Variants in SSR4 observed in about 807,000 individuals in gnomAD.
SSR4 encodes translocon-associated protein subunit delta.
For missense variants in SSR4, 125 were observed against 148.8 expected, an observed-to-expected ratio of 0.84 and a Z score of 0.83; for synonymous variants, 84 against 65.6, an observed-to-expected ratio of 1.28 and a Z score of -1.35.
rs1167157941 is a variant in SSR4, at chrX:153,798,313, AT to A, written c.418-15del. 1.0e-5 allele frequency: 12 copies of A among 1,204,456 alleles called. No individual in the cohort carries two copies. Among genetic ancestry groups the A allele is most frequent in the Non-Finnish European group, 1.2e-5 (11 of 892,112 alleles). ...CTGTACTCCCCTGAGCTGGCTTGTG[AT>A]CTCCTTTTTTTCAGGGCACTTGGAA... On this transcript the variant is annotated splice_polypyrimidine_tract_variant and intron_variant, in intron 5 of 5. Transcript: ENST00000370086.
At chrX:153,797,323 C>T (rs2092147654) in intron 2 of SSR4, 135 bp from the exon 3 acceptor site, 1 of 524,970 alleles carries the variant, frequency 1.9e-6, no homozygotes, top group Non-Finnish European at 3.4e-6. Context: ...TTACTTGGTA[C>T]CTCCTGCCAG....
chrX:153,798,298 C>T (rs782600584), intron 5 of SSR4, 31 bp from the exon 6 acceptor site: 2 of 1,202,592 alleles, frequency 1.7e-6, no homozygotes, highest in African/African-American at 1.7e-5. Context: ...CTGTACTCCC[C>T]TGAGCTGGCT....
In SSR4 at chrX:153,794,750, C is replaced by T. The variant is rs4908; in HGVS notation, c.63C>T (p.Cys21=). ...TCCTGCTGTCCAGCCTCTCCCGCTG[C>T]TCAGGTAGCGGCCCAGCCGGGGCTT... ...ALLLLSSLSR[C]SAEACLEPQI... Residue 21 remains cysteine, a synonymous_variant, in exon 1 of 6, where the codon TGC becomes TGT. Transcript: ENST00000370086. 2.1e-5 allele frequency: 25 copies of T among 1,210,244 alleles called. No individual in the cohort carries two copies. The highest frequency in any genetic ancestry group is 2.6e-5 in the Non-Finnish European group (23 of 894,940).
rs2092152011 is a variant in SSR4, at chrX:153,797,950, T to A, written c.352-121T>A. 4 of 906,133 alleles carry A rather than the reference T, an allele frequency of 4.4e-6. No homozygotes were observed. The East Asian group carries it at 1.2e-4, about 28-fold the overall frequency. 74.7% of individuals were successfully genotyped at this position (906,133 alleles called of 1,213,427 possible). A position where few individuals can be genotyped will look rare whatever the true frequency, so the allele number is the denominator to read the frequency against. ...TCCCTTCCTCAGTGTCTCTTGCCCATTTCTCTCCTTTCCTTTTCTGGGGCT... is the reference window on the plus strand; with the variant it reads ...TCCCTTCCTCAGTGTCTCTTGCCCAATTCTCTCCTTTCCTTTTCTGGGGCT... On this transcript the variant is annotated intron_variant, in intron 4 of 5. Transcript: ENST00000370086.
At chrX:153,797,384 G>T in intron 2 of SSR4, 74 bp from the exon 3 acceptor site, 1 of 972,450 alleles carries the variant, frequency 1.0e-6, no homozygotes, top group South Asian at 1.9e-5. Context: ...CAGGCCGTGT[G>T]AGCAGCGCAC....
In SSR4 at chrX:153,798,324, T is replaced by C. The variant is rs2092155547; in HGVS notation, c.418-5T>C. On this transcript the variant is annotated splice_region_variant and splice_polypyrimidine_tract_variant and intron_variant, in intron 5 of 5. Coordinates refer to ENST00000370086, the MANE Select transcript of SSR4 (RefSeq NM_006280.3). ...TGAGCTGGCTTGTGATCTCCTTTTTTTCAGGGCACTTGGAACGGGCCCTGG... is the reference window on the plus strand; with the variant it reads ...TGAGCTGGCTTGTGATCTCCTTTTTCTCAGGGCACTTGGAACGGGCCCTGG... The C allele has an allele frequency of 8.3e-7, 1 of 1,206,204 alleles. No homozygotes were observed. Among genetic ancestry groups the C allele is most frequent in the Non-Finnish European group, 1.1e-6 (1 of 892,448 alleles).
intron 1 of SSR4, chrX:153,795,595 AACTTAGGCAGG>A (rs1401205131): frequency 1.4e-6 from 1 of 719,523 alleles, no homozygotes; most frequent in Non-Finnish European, 1.6e-6. Context: ...AAGCAGGCCC[AACTTAGGCAGG>A]ACACAGAAGG....
Position 153,796,430 on chromosome X carries a change from G to A in SSR4, c.68-4G>A, listed in dbSNP as rs377133359. The A allele has an allele frequency of 1.4e-5, 17 of 1,189,240 alleles. No individual in the cohort carries two copies. The highest frequency in any genetic ancestry group is 1.1e-4 in the South Asian group (6 of 56,384). ...ACCCAGGCATCTCTCCCTCTTCCCC[G>A]CAGCCGAGGCCTGCCTGGAGCCCCA... On this transcript the variant is annotated splice_polypyrimidine_tract_variant and splice_region_variant and intron_variant, in intron 1 of 5. Transcript: ENST00000370086.
chrX:153,796,196 A>G (rs1297522584), intron 1 of SSR4: 2 of 397,331 alleles, frequency 5.0e-6, no homozygotes, highest in Non-Finnish European at 8.8e-6. Flanking sequence ...CTTCCTGCAC[A>G]CCTCCAGAAA....
intron 1 of SSR4, chrX:153,795,905 GTC>G (rs1478342230): frequency 1.4e-6 from 1 of 717,511 alleles, no homozygotes; most frequent in African/African-American, 2.3e-5. Context: ...TGGAACCAGA[GTC>G]TCTCCCGTTT....
upstream of SSR4, chrX:153,794,442 TCGCA>T (rs1557071512): frequency 2.8e-4 from 322 of 1,135,575 alleles, no homozygotes; most frequent in Non-Finnish European, 3.3e-4. Flanking sequence ...ACGCGCGCGG[TCGCA>T]CCGATTCACG....
chrX:153,797,439 C>T lies in SSR4; in HGVS notation c.187-19C>T, dbSNP rs2092148435. On this transcript the variant is annotated intron_variant, in intron 2 of 5. Transcript: ENST00000370086. ...CCAGAGGGGGCAGAAGGTGACCCTG[C>T]CTTTGTTCCCTCACCCAGAACATGG... The T allele has an allele frequency of 8.3e-7, 1 of 1,202,597 alleles. No homozygotes were observed.
upstream of SSR4, chrX:153,794,276 G>A (rs782321700): frequency 8.3e-7 from 1 of 1,201,420 alleles, no homozygotes; most frequent in Non-Finnish European, 1.1e-6. Flanking sequence ...GGGCTGGCCC[G>A]AGCACCGCCT....
At position 153,798,044 on chromosome X, in the gene SSR4, A is replaced by AGCACCTCCCTT. The variant is rs782027067; in HGVS notation, c.352-12_352-2dup. ...CCACACGCCAGGCACCCCTGACCCCAGCACCTCCCTTGCACCTCCCTTGCA... is the reference window on the plus strand; with the variant it reads ...CCACACGCCAGGCACCCCTGACCCCAGCACCTCCCTTGCACCTCCCTTGCACCTCCCTTGCA... On this transcript the variant is annotated intron_variant, in intron 4 of 5. Transcript: ENST00000370086. 50 of 598,344 alleles carry AGCACCTCCCTT rather than the reference A, an allele frequency of 8.4e-5. No homozygotes were observed. The highest frequency in any genetic ancestry group is 1.0e-4 in the Non-Finnish European group (47 of 460,732). 49.3% of individuals were successfully genotyped at this position (598,344 alleles called of 1,213,427 possible).
intron 2 of SSR4, chrX:153,796,971 CCCGGGTT>C: frequency 5.7e-6 from 1 of 175,435 alleles, no homozygotes; most frequent in Non-Finnish European, 1.1e-5. Context: ...GCCTCCACCT[CCCGGGTT>C]CAAGCGATTC....
At chrX:153,795,546 T>C (rs2092134981) in intron 1 of SSR4, 1 of 353,441 alleles carries the variant, frequency 2.8e-6, no homozygotes, top group African/African-American at 2.8e-5. Context: ...AGGACAAGCC[T>C]GGCCATAAAA....
chrX:153,797,322 A>G, intron 2 of SSR4, 136 bp from the exon 3 acceptor site: 1 of 520,004 alleles, frequency 1.9e-6, no homozygotes, highest in South Asian at 2.7e-5. Flanking sequence ...GTTACTTGGT[A>G]CCTCCTGCCA....
At chrX:153,798,294 T>C in intron 5 of SSR4, 35 bp from the exon 6 acceptor site, 2 of 1,200,672 alleles carry the variant, frequency 1.7e-6, no homozygotes, top group South Asian at 3.5e-5. Flanking sequence ...TCACCTGTAC[T>C]CCCCTGAGCT....
chrX:153,797,661 A>G, intron 3 of SSR4, 64 bp from the exon 4 acceptor site: 2 of 1,128,717 alleles, frequency 1.8e-6, no homozygotes, highest in Non-Finnish European at 1.2e-6. Context: ...CAGTGTCGGC[A>G]CTGGTGGTCA....
Sources: allele counts gnomAD v4.1 joint callset, GRCh38; gene constraint gnomAD v4.1.1; transcripts MANE v1.5; gene names NCBI Gene and HGNC (gene_info 2026-07-23, HGNC 2026-07-21).